Variants in AKAP14 observed in about 807,000 individuals in gnomAD.
The protein encoded by AKAP14 is A-kinase anchoring protein 14.
A neutral mutation model predicts 17.0 loss-of-function variants in AKAP14; 4 were observed. The observed-to-expected ratio is 0.23, with a 90% CI of 0.12 to 0.54. The LOEUF is 0.54. AKAP14 is among the 20% of genes least tolerant of loss of function. The pLI, the probability that AKAP14 is intolerant of heterozygous loss-of-function variation, is 0.95. For missense variants in AKAP14, 129 were observed against 150.9 expected (o/e 0.85, Z 0.76); for synonymous variants, 42 against 51.3 (o/e 0.82, Z 0.77).
chrX:119,909,329 G>A (rs1033727250), intron 4 of AKAP14, among the ~76,000 whole-genome samples: 2 of 109,090 alleles, frequency 1.8e-5, no homozygotes, highest in African/African-American at 6.7e-5. Context: ...TCTACTATAT[G>A]TGCTGCCGAA....
At chrX:119,898,977 G>A (rs193228862) in intron 2 of AKAP14, among the ~76,000 whole-genome samples, 1,738 of 107,064 alleles carry the variant, frequency 0.016, 21 homozygotes, top group Non-Finnish European at 0.025. Context: ...GACCAGCCTG[G>A]CCAAGATGGT....
At chrX:119,915,782 A>T (rs2056653527) in intron 5 of AKAP14, among the ~76,000 whole-genome samples, 1 of 109,776 alleles carries the variant, frequency 9.1e-6, no homozygotes. Context: ...CTGGGATTAC[A>T]GGCTTGAGCC....
chrX:119,896,440 ACAAGG>A (rs1569468174), intron 2 of AKAP14, among the ~76,000 whole-genome samples, 173 bp downstream of exon 2: 2 of 53,847 alleles, frequency 3.7e-5, no homozygotes, highest in African/African-American at 1.7e-4. Flanking sequence ...GGAGGGGAGG[ACAAGG>A]GAGAGGGAGG....
In AKAP14 at chrX:119,914,645, T is replaced by A. The variant is rs909332041; in HGVS notation, c.262-54T>A. The stretch of plus-strand genomic sequence containing the variant: ...GCCATGCTGCATTTATCTACAGGAC[T>A]TGAACAGAAGGCTTTTCTTTTTCTG... On this transcript the variant is annotated intron_variant, in intron 4 of 6. Coordinates refer to ENST00000371431, the MANE Select transcript of AKAP14 (RefSeq NM_178813.6). 6.2e-6 allele frequency: 7 copies of A among 1,128,706 alleles called. No individual in the cohort carries two copies. In the African/African-American group the frequency reaches 1.3e-4, roughly 20 times the overall value. 93.0% of individuals were successfully genotyped at this position (1,128,706 alleles called of 1,213,427 possible).
chrX:119,896,449 AGGGAGGGGGAG>A (rs2046752185), intron 2 of AKAP14, among the ~76,000 whole-genome samples, 182 bp downstream of exon 2: 1 of 9,321 alleles, frequency 1.1e-4, no homozygotes, highest in Non-Finnish European at 1.9e-4. Context: ...GACAAGGGAG[AGGGAGGGGGAG>A]GGGAGGGGAG....
Position 119,903,553 on chromosome X carries a change from A to ATTCAC in AKAP14, c.228_229insTTCAC (p.Lys77PhefsTer25). 4.1e-6 allele frequency: 5 copies of ATTCAC among 1,211,650 alleles called. No individual in the cohort carries two copies. Among genetic ancestry groups the ATTCAC allele is most frequent in the Non-Finnish European group, 5.6e-6 (5 of 895,444 alleles). On this transcript the variant is annotated frameshift_variant, in exon 4 of 7. Coordinates refer to ENST00000371431, the MANE Select transcript of AKAP14 (RefSeq NM_178813.6). LOFTEE classifies it high-confidence loss of function. ...TGACTCACGGTGAATTCACTGTGGA[A>ATTCAC]AAGGGTCTTAAACAAATTGACGAAT...
chrX:119,908,397 C>T (rs1242150268), intron 4 of AKAP14, among the ~76,000 whole-genome samples: 2 of 110,482 alleles, frequency 1.8e-5, no homozygotes, highest in African/African-American at 3.3e-5. Flanking sequence ...CACAGTCTGG[C>T]AACAGGAATA....
chrX:119,914,017 T>G (rs909178392), intron 4 of AKAP14, among the ~76,000 whole-genome samples: 2 of 110,541 alleles, frequency 1.8e-5, no homozygotes, highest in Non-Finnish European at 3.8e-5. Flanking sequence ...GGTAAATCGC[T>G]TGAGGTCAGG....
chrX:119,900,408 AT>A (rs1179543621), intron 2 of AKAP14, among the ~76,000 whole-genome samples: 14 of 111,049 alleles, frequency 1.3e-4, no homozygotes, highest in African/African-American at 3.9e-4. Flanking sequence ...CAATTTTTGT[AT>A]TTTTAGTAGA....
At chrX:119,917,729 AG>A (rs1320121177) in intron 5 of AKAP14, among the ~76,000 whole-genome samples, 1 of 112,308 alleles carries the variant, frequency 8.9e-6, no homozygotes, top group African/African-American at 3.2e-5. Context: ...GCAGTGACCA[AG>A]ATGATGCCAT....
At chrX:119,920,351 A>G (rs2076383554) in intron 6 of AKAP14, among the ~76,000 whole-genome samples, 157 bp from the exon 7 acceptor site, 1 of 111,585 alleles carries the variant, frequency 9.0e-6, no homozygotes, top group African/African-American at 3.2e-5. Context: ...TAAAGGATAG[A>G]CATAGAGAAC....
chrX:119,900,170 A>G (rs1276001118), intron 2 of AKAP14, among the ~76,000 whole-genome samples: 7 of 107,819 alleles, frequency 6.5e-5, no homozygotes, highest in Non-Finnish European at 1.3e-4. Flanking sequence ...TGGGCTCACC[A>G]CAACCTCCGC....
Position 119,914,688 on chromosome X carries a change from C to G in AKAP14, c.262-11C>G, listed in dbSNP as rs1357183044. ...TTTTTCTGTGTGCTTTTTCTTTTTT[C>G]TATGAAACAGAAGTGTGTTTCTAAA... On this transcript the variant is annotated splice_polypyrimidine_tract_variant and intron_variant, in intron 4 of 6. Coordinates refer to ENST00000371431, the MANE Select transcript of AKAP14 (RefSeq NM_178813.6). The G allele has an allele frequency of 1.7e-5, 20 of 1,186,262 alleles. No individual in the cohort carries two copies. The highest frequency in any genetic ancestry group is 2.1e-5 in the Non-Finnish European group (19 of 886,082).
chrX:119,898,870 T>C (rs1423172070), intron 2 of AKAP14, among the ~76,000 whole-genome samples: 2 of 103,470 alleles, frequency 1.9e-5, no homozygotes, highest in Non-Finnish European at 3.9e-5. Context: ...GGACTCTAGA[T>C]GAAAATGTGA....
intron 5 of AKAP14, among the ~76,000 whole-genome samples, chrX:119,916,426 CCTATCTAAT>C (rs2056656928): frequency 1.0e-5 from 1 of 98,857 alleles, no homozygotes; most frequent in South Asian, 4.7e-4. Context: ...TATCTGTCTG[CCTATCTAAT>C]CTATCTATCT....
chrX:119,913,883 T>C (rs1351464554), intron 4 of AKAP14, among the ~76,000 whole-genome samples: 1 of 110,997 alleles, frequency 9.0e-6, no homozygotes, highest in Non-Finnish European at 1.9e-5. Flanking sequence ...CTTAACCTTT[T>C]CTCTCCTCCA....
intron 4 of AKAP14, among the ~76,000 whole-genome samples, chrX:119,906,888 C>T (rs969838011): frequency 3.6e-5 from 4 of 111,298 alleles, no homozygotes; most frequent in Non-Finnish European, 1.9e-5. Context: ...AAGCTTATTG[C>T]CAGTTTCCCA....
chrX:119,915,723 C>T (rs1479161322), intron 5 of AKAP14, among the ~76,000 whole-genome samples: 1 of 111,616 alleles, frequency 9.0e-6, no homozygotes, highest in Non-Finnish European at 1.9e-5. Context: ...CCAGGCTGCT[C>T]TCGAACTCCT....
intron 2 of AKAP14, among the ~76,000 whole-genome samples, chrX:119,900,672 G>A (rs1004245192): frequency 9.0e-6 from 1 of 111,648 alleles, no homozygotes; most frequent in Admixed American, 9.6e-5. Context: ...AGAAAGCTGG[G>A]ATTACAGGCA....
Sources: allele counts gnomAD v4.1 joint callset (sites outside exome capture counted in the v4.1 genomes callset), GRCh38; gene constraint gnomAD v4.1.1; transcripts MANE v1.5; gene names NCBI Gene and HGNC (gene_info 2026-07-23, HGNC 2026-07-21).